The following DAB2IP variants were observed in gnomAD, a reference collection of about 807,000 sequenced individuals.
The protein encoded by DAB2IP is disabled homolog 2-interacting protein.
Under a neutral mutation model 107.2 loss-of-function variants are expected in DAB2IP, and 28 were observed. The observed-to-expected ratio is 0.26, with a 90% CI of 0.19 to 0.36. The LOEUF (loss-of-function observed/expected upper bound fraction) is 0.36, where lower values mean the gene tolerates loss of function less well. Ranked by LOEUF, DAB2IP falls within the 10% of genes least tolerant of loss-of-function variation. The probability of loss-of-function intolerance (pLI) is 1.00; values close to 1 mark genes in which losing one functional copy is unlikely to be tolerated. For synonymous variants in DAB2IP, 755 were observed against 706.4 expected, an observed-to-expected ratio of 1.07 and a Z score of -1.09; for missense variants, 1,400 against 1,644.7, an observed-to-expected ratio of 0.85 and a Z score of 2.57.
At chr9:121,714,050 T>C (rs920922333) in intron 3 of DAB2IP, among the ~76,000 whole-genome samples, 1 of 152,208 alleles carries the variant, frequency 6.6e-6, no homozygotes, top group Non-Finnish European at 1.5e-5. Flanking sequence ...CATGGGATCA[T>C]GTTACATGGT....
intron 1 of DAB2IP, among the ~76,000 whole-genome samples, chr9:121,616,621 G>A (rs959280988): frequency 1.3e-5 from 2 of 152,296 alleles, no homozygotes; most frequent in East Asian, 1.9e-4. Flanking sequence ...GCATGGGAGC[G>A]CTCCTGACTG....
intron 3 of DAB2IP, among the ~76,000 whole-genome samples, chr9:121,707,429 A>G (rs1309092099): frequency 2.0e-5 from 3 of 152,162 alleles, no homozygotes; most frequent in Non-Finnish European, 4.4e-5. Context: ...GCACAATGAG[A>G]TCCCACCTCC....
At chr9:121,639,876 G>A (rs1246689705) in intron 1 of DAB2IP, among the ~76,000 whole-genome samples, 4 of 152,174 alleles carry the variant, frequency 2.6e-5, no homozygotes, top group African/African-American at 4.8e-5. Context: ...ACCACTGCCC[G>A]CTGATGAAAA....
chr9:121,772,925 G>A lies in DAB2IP; in HGVS notation c.2397G>A (p.Thr799=), dbSNP rs750080163. The A allele has an allele frequency of 6.7e-5, 105 of 1,555,802 alleles. No individual in the cohort carries two copies. Among genetic ancestry groups the A allele is most frequent in the Middle Eastern group, 3.4e-4 (2 of 5,816 alleles). ...CAGTGAACCTGGCAGGGCTGGCCACGGTGCGGCGGGCAGGCCAGACACCAA... is the reference window on the plus strand; with the variant it reads ...CAGTGAACCTGGCAGGGCTGGCCACAGTGCGGCGGGCAGGCCAGACACCAA... Residue 799 remains threonine, a synonymous_variant, in exon 12 of 16, where the codon ACG becomes ACA. Transcript: ENST00000408936. This position sits in a 1 kb window ranked among gnomAD's most constrained non-coding sequence, Gnocchi z 4.7.
intron 3 of DAB2IP, among the ~76,000 whole-genome samples, chr9:121,731,987 C>T (rs1000452432): frequency 6.6e-6 from 1 of 152,098 alleles, no homozygotes; most frequent in Non-Finnish European, 1.5e-5. Flanking sequence ...AGCAAGTGAC[C>T]TAGCCACAGA....
At chr9:121,630,865 C>T (rs547932977) in intron 1 of DAB2IP, among the ~76,000 whole-genome samples, 1 of 152,320 alleles carries the variant, frequency 6.6e-6, no homozygotes, top group African/African-American at 2.4e-5. Context: ...GGCTTGGCCT[C>T]CCAAAGTGCT....
exon 10 of DAB2IP, chr9:121,768,528 C>G (rs780569180): frequency 1.9e-6 from 3 of 1,614,094 alleles, no homozygotes; most frequent in African/African-American, 2.7e-5. Flanking sequence ...TCTCCAACCC[C>G]GAGACCCTCT....
chr9:121,743,599 G>A (rs1034077015), intron 3 of DAB2IP, among the ~76,000 whole-genome samples: 1 of 152,216 alleles, frequency 6.6e-6, no homozygotes, highest in African/African-American at 2.4e-5. Flanking sequence ...GGCTGGAGTG[G>A]CATGTCTGGG....
At chr9:121,648,143 G>T (rs778541579), upstream of DAB2IP, among the ~76,000 whole-genome samples, 3 of 152,078 alleles carry the variant, frequency 2.0e-5, no homozygotes, top group Non-Finnish European at 4.4e-5. Flanking sequence ...TACAAATTGG[G>T]TTTAGTGTAT....
At chr9:121,766,588 G>A (rs1465746758) in exon 9 of DAB2IP, 5 of 1,613,734 alleles carry the variant, frequency 3.1e-6, no homozygotes, top group African/African-American at 1.3e-5. Flanking sequence ...GCTCATCAGC[G>A]CCTCCCTCTT....
intron 1 of DAB2IP, among the ~76,000 whole-genome samples, chr9:121,580,914 C>T (rs912641864): frequency 6.6e-6 from 1 of 152,194 alleles, no homozygotes; most frequent in Admixed American, 6.5e-5. Flanking sequence ...CGTGAGCCAC[C>T]GCGCCTGGCC....
At chr9:121,685,626 G>A (rs12344993) in intron 2 of DAB2IP, among the ~76,000 whole-genome samples, 13,056 of 152,308 alleles carry the variant, frequency 0.086, 803 homozygotes, top group African/African-American at 0.17. Context: ...CGGTGTGAAC[G>A]AACTTACTTT....
intron 3 of DAB2IP, chr9:121,752,001 C>T (rs1372965426): frequency 1.0e-6 from 1 of 985,346 alleles, no homozygotes; most frequent in Non-Finnish European, 1.2e-6. Flanking sequence ...TCTCTAGTCC[C>T]TGGAGCGCTG....
intron 1 of DAB2IP, among the ~76,000 whole-genome samples, chr9:121,645,778 G>A (rs1044914549): frequency 1.3e-5 from 2 of 152,194 alleles, no homozygotes; most frequent in Admixed American, 6.5e-5. Flanking sequence ...ACATTCCGGG[G>A]CTTTATGACA....
At chr9:121,664,792 C>G (rs1208174521) in intron 1 of DAB2IP, among the ~76,000 whole-genome samples, 1 of 152,182 alleles carries the variant, frequency 6.6e-6, no homozygotes, top group Non-Finnish European at 1.5e-5. Context: ...ATATCAGTTC[C>G]CCTTCCCGCT....
At chr9:121,781,385 G>T (rs1564236950) in intron 14 of DAB2IP, 79 bp from the exon 15 acceptor site, 2 of 1,362,766 alleles carry the variant, frequency 1.5e-6, no homozygotes, top group East Asian at 4.6e-5. Context: ...TGTGTGCGGG[G>T]GTGATGGGCT....
intron 1 of DAB2IP, among the ~76,000 whole-genome samples, chr9:121,612,925 G>A (rs1589407717): frequency 6.6e-6 from 1 of 152,352 alleles, no homozygotes; most frequent in Non-Finnish European, 1.5e-5. Flanking sequence ...TCAGCTGGGA[G>A]CCCCCAAGCT....
At chr9:121,658,820 C>T (rs1272745171) in intron 1 of DAB2IP, among the ~76,000 whole-genome samples, 1 of 152,190 alleles carries the variant, frequency 6.6e-6, no homozygotes, top group Non-Finnish European at 1.5e-5. Flanking sequence ...ATCTCAGATC[C>T]ACAACTGCCT....
chr9:121,576,425 AC>A (rs1169589923), intron 1 of DAB2IP, among the ~76,000 whole-genome samples: 1 of 151,736 alleles, frequency 6.6e-6, no homozygotes, highest in African/African-American at 2.4e-5. Context: ...AGCCTTCCCT[AC>A]TACCCCTCCA....
Sources: allele counts gnomAD v4.1 joint callset (sites outside exome capture counted in the v4.1 genomes callset), GRCh38; gene constraint gnomAD v4.1.1; non-coding constraint Gnocchi (gnomAD v3.1); transcripts MANE v1.5; gene names NCBI Gene and HGNC (gene_info 2026-07-23, HGNC 2026-07-21).